Variants in CTNNA2 observed in about 807,000 individuals in gnomAD.
The protein encoded by CTNNA2 is catenin alpha-2.
In CTNNA2, 42 loss-of-function variants were observed where a neutral mutation model predicts 101.0. The ratio of observed to expected loss-of-function variants is 0.42; its 90% CI spans 0.32 to 0.54. The LOEUF (loss-of-function observed/expected upper bound fraction) is 0.54. Among genes scored for constraint, CTNNA2 ranks in the 20% least tolerant of loss-of-function variants. The probability of loss-of-function intolerance (pLI) is 0.14; values close to 1 mark genes in which losing one functional copy is unlikely to be tolerated. For synonymous variants in CTNNA2, 450 were observed against 456.4 expected, an observed-to-expected ratio of 0.99 and a Z score of 0.18; for missense variants, 871 against 1,223.1, an observed-to-expected ratio of 0.71 and a Z score of 4.29.
intron 9 of CTNNA2, among the ~76,000 whole-genome samples, chr2:80,529,794 T>G (rs1046883942): frequency 7.9e-5 from 12 of 152,148 alleles, no homozygotes; most frequent in African/African-American, 2.9e-4. Context: ...CGTAGCAGAT[T>G]GAAAGGTCAG....
intron 4 of CTNNA2, among the ~76,000 whole-genome samples, chr2:79,447,700 G>A (rs551506028): frequency 2.6e-5 from 4 of 152,136 alleles, no homozygotes; most frequent in African/African-American, 4.8e-5. Context: ...AAGGGAGCAT[G>A]AGCCCTACCT....
At chr2:79,869,688 TA>T (rs1682435247) in intron 4 of CTNNA2, 127 bp from the exon 5 acceptor site, 6 of 1,184,372 alleles carry the variant, frequency 5.1e-6, no homozygotes, top group Admixed American at 6.0e-5. Context: ...ACTCTTCTCC[TA>T]TTTTTTCATT....
chr2:79,485,475 A>T (rs1247932380), intron 4 of CTNNA2, among the ~76,000 whole-genome samples: 1 of 152,254 alleles, frequency 6.6e-6, no homozygotes, highest in Non-Finnish European at 1.5e-5. Context: ...ACTCTATTTT[A>T]TACTGCTCCT....
At chr2:80,104,672 A>G (rs931126394) in intron 7 of CTNNA2, among the ~76,000 whole-genome samples, 3 of 152,224 alleles carry the variant, frequency 2.0e-5, no homozygotes, top group Non-Finnish European at 2.9e-5. Flanking sequence ...TTTTTGAGAT[A>G]TGATGTTGGT....
intron 7 of CTNNA2, among the ~76,000 whole-genome samples, chr2:80,156,261 A>G (rs1399023719): frequency 6.6e-6 from 1 of 152,186 alleles, no homozygotes; most frequent in South Asian, 2.1e-4. Flanking sequence ...TCCGCTACAC[A>G]CTTTGTACCA....
At position 80,133,249 on chromosome 2, in the gene CTNNA2, C is replaced by T. The variant is rs796622982; in HGVS notation, c.1056+223452C>T. Among the ~76,000 whole-genome samples the T allele has an allele frequency of 4.3e-4, 65 of 152,166 alleles. 1 individual carries two copies. Among genetic ancestry groups the T allele is most frequent in the Admixed American group, 1.1e-3 (17 of 15,262 alleles). ...CTGGGGCTACCTGAGCTGGAAGAGG[C>T]GAGGAAGGATTCTCCCCTAGAGGGT... On this transcript the variant is annotated intron_variant, in intron 7 of 18. Coordinates refer to ENST00000402739, the MANE Select transcript of CTNNA2 (RefSeq NM_001282597.3).
At chr2:79,601,364 G>T (rs950091455) in intron 1 of CTNNA2, among the ~76,000 whole-genome samples, 4 of 152,190 alleles carry the variant, frequency 2.6e-5, no homozygotes, top group Non-Finnish European at 5.9e-5. Flanking sequence ...TGTCCTTTAG[G>T]AGAGCAGCTT....
At chr2:79,601,369 C>T (rs954211615) in intron 1 of CTNNA2, among the ~76,000 whole-genome samples, 1 of 152,162 alleles carries the variant, frequency 6.6e-6, no homozygotes, top group Non-Finnish European at 1.5e-5. Context: ...TTTAGGAGAG[C>T]AGCTTGAGGA....
chr2:79,275,215 CAGCA>C (rs535985651), intron 2 of CTNNA2, among the ~76,000 whole-genome samples: 163 of 152,126 alleles, frequency 1.1e-3, no homozygotes, highest in African/African-American at 3.8e-3. Flanking sequence ...GACAAAATGA[CAGCA>C]TATAGGCTGT....
chr2:79,477,179 T>G (rs1445250957), intron 4 of CTNNA2, among the ~76,000 whole-genome samples: 3 of 148,270 alleles, frequency 2.0e-5, no homozygotes, highest in Non-Finnish European at 3.0e-5. Context: ...TTTTTTTTTT[T>G]TTTGTTTTTG....
chr2:80,243,390 G>A (rs1419365759), intron 7 of CTNNA2, among the ~76,000 whole-genome samples: 17 of 151,592 alleles, frequency 1.1e-4, no homozygotes, highest in South Asian at 2.1e-4. Flanking sequence ...GATCCATGAC[G>A]CCCTAATATT....
chr2:80,531,118 ATTTC>A (rs1690500690), intron 9 of CTNNA2, among the ~76,000 whole-genome samples: 1 of 152,110 alleles, frequency 6.6e-6, no homozygotes. Flanking sequence ...TTCAAAGGTC[ATTTC>A]TTTAGTCAGT....
intron 3 of CTNNA2, among the ~76,000 whole-genome samples, chr2:79,815,200 A>AT (rs1677391808): frequency 6.6e-6 from 1 of 151,732 alleles, no homozygotes; most frequent in South Asian, 2.1e-4. Flanking sequence ...GATTGTGAAG[A>AT]TTTTCTCCCA....
At chr2:79,567,255 G>A (rs1675173905) in intron 1 of CTNNA2, among the ~76,000 whole-genome samples, 1 of 152,106 alleles carries the variant, frequency 6.6e-6, no homozygotes, top group African/African-American at 2.4e-5. Context: ...CATTTGTAAT[G>A]TGATCTCTTT....
Position 80,280,676 on chromosome 2 carries a change from C to T in CTNNA2, c.1057-112535C>T, listed in dbSNP as rs895225774. On this transcript the variant is annotated intron_variant, in intron 7 of 18. Coordinates refer to ENST00000402739, the MANE Select transcript of CTNNA2 (RefSeq NM_001282597.3). ...CAGTCAAGGGTGGTCCAAAAATGTT[C>T]CATGGACAATTCCAGAAATAAACAA... Among the ~76,000 whole-genome samples the T allele has an allele frequency of 3.9e-5, 6 of 152,166 alleles. No individual in the cohort carries two copies. The East Asian group carries it at 9.7e-4, about 25-fold the overall frequency.
chr2:79,397,215 T>G (rs935063681), intron 4 of CTNNA2, among the ~76,000 whole-genome samples: 1 of 152,220 alleles, frequency 6.6e-6, no homozygotes, highest in Non-Finnish European at 1.5e-5. Context: ...CTTTTCTTTG[T>G]GTTGGAAACA....
intron 9 of CTNNA2, among the ~76,000 whole-genome samples, chr2:80,482,104 T>G (rs1192359024): frequency 1.3e-5 from 2 of 152,062 alleles, no homozygotes; most frequent in East Asian, 1.9e-4. Flanking sequence ...TTAATTTAAT[T>G]TAATTACTTC....
intron 3 of CTNNA2, among the ~76,000 whole-genome samples, chr2:79,372,686 A>G (rs1677899530): frequency 6.6e-6 from 1 of 152,108 alleles, no homozygotes; most frequent in South Asian, 2.1e-4. Context: ...TTGAATCAAT[A>G]CCTCCCCAGA....
intron 7 of CTNNA2, among the ~76,000 whole-genome samples, chr2:80,369,759 G>A (rs1158554544): frequency 6.6e-6 from 1 of 152,110 alleles, no homozygotes; most frequent in Non-Finnish European, 1.5e-5. Context: ...AGAGAGAGAC[G>A]GAACTACAGA....
Sources: allele counts gnomAD v4.1 joint callset (sites outside exome capture counted in the v4.1 genomes callset), GRCh38; gene constraint gnomAD v4.1.1; transcripts MANE v1.5; gene names NCBI Gene and HGNC (gene_info 2026-07-23, HGNC 2026-07-21).